The following COPS3 variants were observed in gnomAD, a reference collection of about 807,000 sequenced individuals.
COPS3 encodes the protein COP9 signalosome complex subunit 3.
Under a neutral mutation model 58.2 loss-of-function variants are expected in COPS3, and 10 were observed. The observed-to-expected ratio is 0.17, with a 90% CI of 0.11 to 0.29. The LOEUF (loss-of-function observed/expected upper bound fraction) is 0.29, where lower values mean the gene tolerates loss of function less well. Among genes scored for constraint, COPS3 ranks in the 10% least tolerant of loss-of-function variants. COPS3 has a pLI of 1.00. For synonymous variants in COPS3, 187 were observed against 181.7 expected (o/e 1.03, Z -0.24); for missense variants, 333 against 510.1 (o/e 0.65, Z 3.34).
intron 9 of COPS3, among the ~76,000 whole-genome samples, chr17:17,249,651 CCTGG>C (rs1172574361): frequency 6.6e-6 from 1 of 152,188 alleles, no homozygotes; most frequent in Non-Finnish European, 1.5e-5. Context: ...CACCACCACG[CCTGG>C]CTAATTTTGT....
At position 17,279,232 on chromosome 17, in the gene COPS3, A is replaced by C. The variant is rs78389992; in HGVS notation, c.55+1900T>G. The stretch of plus-strand genomic sequence containing the variant: ...AGGCACAGTAGCCGACAGCAATGAA[A>C]GTTACCATATTTATCTCTGTCTAGC... On this transcript the variant is annotated intron_variant, in intron 1 of 11. Coordinates refer to ENST00000268717, the MANE Select transcript of COPS3 (RefSeq NM_003653.4). Among the ~76,000 whole-genome samples the C allele has an allele frequency of 3.7e-3, 561 of 152,272 alleles. 4 individuals carry two copies. Among genetic ancestry groups the C allele is most frequent in the Middle Eastern group, 0.02 (6 of 294 alleles).
chr17:17,273,198 G>C (rs2145251633), intron 2 of COPS3, among the ~76,000 whole-genome samples: 1 of 152,318 alleles, frequency 6.6e-6, no homozygotes, highest in South Asian at 2.1e-4. Context: ...CCGGAGCAGA[G>C]TTTAGAGAAG....
intron 8 of COPS3, among the ~76,000 whole-genome samples, chr17:17,256,025 A>T (rs2047968091): frequency 6.6e-6 from 1 of 150,618 alleles, no homozygotes; most frequent in Admixed American, 6.6e-5. Flanking sequence ...AAAAAAAAAA[A>T]AAAATTAGCC....
intron 8 of COPS3, among the ~76,000 whole-genome samples, chr17:17,259,084 T>C (rs969336044): frequency 1.3e-5 from 2 of 151,986 alleles, no homozygotes; most frequent in South Asian, 4.2e-4. Flanking sequence ...AAGTCACCTC[T>C]CCCCTAAGTC....
chr17:17,268,023 G>A, intron 4 of COPS3, 46 bp from the exon 5 acceptor site: 1 of 1,605,718 alleles, frequency 6.2e-7, no homozygotes, highest in Non-Finnish European at 8.5e-7. Context: ...AAAGATGGCA[G>A]CACATTGGAT....
chr17:17,248,506 G>A (rs147840863), intron 10 of COPS3, among the ~76,000 whole-genome samples: 277 of 152,192 alleles, frequency 1.8e-3, no homozygotes, highest in African/African-American at 6.3e-3. Context: ...TAGTAGAGAC[G>A]GGGTTTTGCC....
intron 2 of COPS3, 49 bp downstream of exon 2, chr17:17,275,986 A>G: frequency 6.5e-7 from 1 of 1,530,086 alleles, no homozygotes; most frequent in South Asian, 1.2e-5. Flanking sequence ...GGAAGTGCAC[A>G]GTGTTCCATT....
chr17:17,252,045 G>C (rs1213469318), intron 9 of COPS3, among the ~76,000 whole-genome samples: 2 of 151,812 alleles, frequency 1.3e-5, no homozygotes, highest in Non-Finnish European at 2.9e-5. Flanking sequence ...CTCCAGCCTG[G>C]GTGACAGAGC....
At chr17:17,273,438 T>C (rs2048393117) in intron 2 of COPS3, among the ~76,000 whole-genome samples, 1 of 152,294 alleles carries the variant, frequency 6.6e-6, no homozygotes, top group Non-Finnish European at 1.5e-5. Context: ...CTGTCTGTAT[T>C]TTCTTATTTA....
At position 17,275,779 on chromosome 17, in the gene COPS3, T is replaced by C. The variant is rs563661909; in HGVS notation, c.185+256A>G. Among the ~76,000 whole-genome samples the C allele has an allele frequency of 9.9e-5, 15 of 152,130 alleles. No individual in the cohort carries two copies. The South Asian group carries it at 2.9e-3, about 30-fold the overall frequency. ...TAACATGGTGAAACCCTGTCTCTACTAAAAATACAAAAATTAGCTGGGGCG... is the reference window on the plus strand; with the variant it reads ...TAACATGGTGAAACCCTGTCTCTACCAAAAATACAAAAATTAGCTGGGGCG... On this transcript the variant is annotated intron_variant, in intron 2 of 11. Coordinates refer to ENST00000268717, the MANE Select transcript of COPS3 (RefSeq NM_003653.4).
chr17:17,248,488 A>G (rs1207216030), intron 10 of COPS3, among the ~76,000 whole-genome samples: 1 of 151,424 alleles, frequency 6.6e-6, no homozygotes, highest in East Asian at 1.9e-4. Flanking sequence ...CTGATTTTTT[A>G]TTTTTTTTAG....
chr17:17,280,925 GC>G, intron 1 of COPS3: 1 of 878,100 alleles, frequency 1.1e-6, no homozygotes, highest in Non-Finnish European at 1.7e-6. Flanking sequence ...GGGGAGGCCG[GC>G]CGGCGAGGAC....
At chr17:17,264,176 ATCCT>A (rs1310765277) in intron 6 of COPS3, among the ~76,000 whole-genome samples, 1 of 152,252 alleles carries the variant, frequency 6.6e-6, no homozygotes, top group Non-Finnish European at 1.5e-5. Context: ...GGTTTTAAAT[ATCCT>A]TTATTACTTA....
At chr17:17,274,682 C>G (rs1272640293) in intron 2 of COPS3, among the ~76,000 whole-genome samples, 1 of 151,882 alleles carries the variant, frequency 6.6e-6, no homozygotes, top group African/African-American at 2.4e-5. Context: ...CTTGGCCTCC[C>G]AAAGTGCCGG....
At chr17:17,257,976 T>G (rs2145206473) in intron 8 of COPS3, among the ~76,000 whole-genome samples, 1 of 152,286 alleles carries the variant, frequency 6.6e-6, no homozygotes. Context: ...GATTTTCTAG[T>G]AAGAAAAACT....
In COPS3 at chr17:17,270,981, A is replaced by G; in HGVS notation, c.213T>C (p.Val71=). The G allele has an allele frequency of 6.2e-7, 1 of 1,614,030 alleles. No homozygotes were observed. Among genetic ancestry groups the G allele is most frequent in the South Asian group, 1.1e-5 (1 of 91,072 alleles). The change falls in exon 3 of 12, where the codon GTT becomes GTC. Residue 71 remains valine, a synonymous_variant. Transcript: ENST00000268717. ...VLFVKFSMPS[V]PDFETLFSQV... ...GTGAGAATAGCGTTTCGAAGTCAGG[A>G]ACACTGGGCATAGAAAACTTCACAA... is the stretch of plus-strand genomic sequence containing the variant.
chr17:17,248,116 T>C (rs981662769), intron 10 of COPS3, among the ~76,000 whole-genome samples: 2 of 152,128 alleles, frequency 1.3e-5, no homozygotes, highest in African/African-American at 4.8e-5. Flanking sequence ...GCTTCTCACA[T>C]AGGGAGAGAT....
intron 5 of COPS3, among the ~76,000 whole-genome samples, chr17:17,266,944 G>GT (rs1567857012): frequency 6.6e-6 from 1 of 151,420 alleles, no homozygotes; most frequent in East Asian, 2.0e-4. Flanking sequence ...CGGACCTCAG[G>GT]TGATCCGCCC....
intron 1 of COPS3, among the ~76,000 whole-genome samples, chr17:17,279,677 C>G (rs142280751): frequency 2.0e-5 from 3 of 152,216 alleles, no homozygotes. Context: ...GCTCCTAGAA[C>G]TTTGCAATTA....
Sources: gnomAD v4.1 joint callset for allele counts (sites outside exome capture counted in the v4.1 genomes callset) on GRCh38, gnomAD v4.1.1 for gene constraint, MANE v1.5 for transcripts, NCBI Gene and HGNC (gene_info 2026-07-23, HGNC 2026-07-21) for gene names.